Variants in NANS observed in about 807,000 individuals in gnomAD.
The protein encoded by NANS is N-acetylneuraminate synthase, also known as N-acetylneuraminate-9-phosphate synthase.
NANS carries 29 observed loss-of-function variants against 33.3 expected under a neutral mutation model. The ratio of observed to expected loss-of-function variants is 0.87; its 90% CI spans 0.65 to 1.19. The LOEUF (loss-of-function observed/expected upper bound fraction) is 1.19, where lower values mean the gene tolerates loss of function less well. Ranked by LOEUF, NANS falls within the 50% of genes most tolerant of loss-of-function variation. The pLI is 0.00. For missense variants in NANS, 394 were observed against 461.1 expected (o/e 0.85, Z 1.33); for synonymous variants, 163 against 177.2 (o/e 0.92, Z 0.64).
intron 4 of NANS, among the ~76,000 whole-genome samples, chr9:98,079,482 T>C (rs1829752459): frequency 6.6e-6 from 1 of 152,132 alleles, no homozygotes; most frequent in Non-Finnish European, 1.5e-5. Context: ...CTTAAAAAGT[T>C]AGCCTTTTTG....
rs150061483 is a variant in NANS at position 98,058,204 on chromosome 9, A to G, written c.132+1264A>G. 6.3e-4 allele frequency among the ~76,000 whole-genome samples: 96 copies of G among 152,242 alleles called. 1 individual carries two copies. In the East Asian group the frequency reaches 0.011, roughly 18 times the overall value. On this transcript the variant is annotated intron_variant, in intron 1 of 5. Transcript: ENST00000210444. Reference sequence around the variant, plus strand: ...AGTGCTGGGATTACAGGTGTGAGCCACCACCCTCGGCCCTTGCTGTTCCTT... The same window carrying G: ...AGTGCTGGGATTACAGGTGTGAGCCGCCACCCTCGGCCCTTGCTGTTCCTT...
chr9:98,057,528 C>T (rs1390866946), intron 1 of NANS, among the ~76,000 whole-genome samples: 1 of 152,192 alleles, frequency 6.6e-6, no homozygotes, highest in Non-Finnish European at 1.5e-5. Context: ...TCCGTGAACC[C>T]TTTTCCCCAT....
At chr9:98,075,740 GTATGTT>G (rs1465514270) in intron 2 of NANS, 5 of 152,140 alleles carry the variant, frequency 3.3e-5, no homozygotes, top group Admixed American at 3.3e-4. Context: ...AAGGTGATGT[GTATGTT>G]TATTACTCTT....
In NANS at chr9:98,078,205, T is replaced by C; in HGVS notation, c.461T>C (p.Val154Ala). 1 of 1,614,214 alleles carries C rather than the reference T, an allele frequency of 6.2e-7. No individual in the cohort carries two copies. Among genetic ancestry groups the C allele is most frequent in the Non-Finnish European group, 8.5e-7 (1 of 1,180,036 alleles). Reference protein sequence around the residue: ...EKTAKKGRPMVISSGMQSMDT... With the variant: ...EKTAKKGRPMAISSGMQSMDT... Reference sequence around the variant, plus strand: ...CTGGATTACTCAGGTCGCCCAATGGTGATCTCCAGTGGGATGCAGTCAATG... The same window carrying C: ...CTGGATTACTCAGGTCGCCCAATGGCGATCTCCAGTGGGATGCAGTCAATG... Residue 154 changes from valine (V) to alanine (A), a missense_variant, in exon 4 of 6, where the codon GTG (valine) becomes GCG (alanine). Val to Ala is a moderately conservative substitution (Grantham distance 64, BLOSUM62 0). Transcript: ENST00000210444.
At chr9:98,059,560 G>A (rs752039770) in intron 1 of NANS, among the ~76,000 whole-genome samples, 3 of 152,044 alleles carry the variant, frequency 2.0e-5, no homozygotes, top group Non-Finnish European at 4.4e-5. Flanking sequence ...GACTACAAGC[G>A]TATGCCACCA....
At chr9:98,076,776 T>C (rs1401390400) in intron 2 of NANS, 142 bp from the exon 3 acceptor site, 1 of 649,032 alleles carries the variant, frequency 1.5e-6, no homozygotes, top group East Asian at 2.9e-5. Context: ...TGAGAACAAA[T>C]CTTTGCCTGC....
rs369948500 is a variant in NANS, at chr9:98,061,641, G to A, written c.348+644G>A. Among the ~76,000 whole-genome samples, 53 of 146,072 alleles carry A rather than the reference G, an allele frequency of 3.6e-4. No homozygotes were observed. In the South Asian group the frequency reaches 6.1e-3, roughly 17 times the overall value. On this transcript the variant is annotated intron_variant, in intron 2 of 5. Coordinates refer to ENST00000210444, the MANE Select transcript of NANS (RefSeq NM_018946.4). ...CTAAAATACAAAAAATTAGCTGGGC[G>A]TGGTGGCATGCGTCTGTAGTCCCAG...
chr9:98,081,258 T>A, intron 5 of NANS, 176 bp downstream of exon 5: 1 of 799,638 alleles, frequency 1.3e-6, no homozygotes, highest in East Asian at 2.7e-5. Context: ...CATGTCACTC[T>A]GGCCTGTAGC....
chr9:98,068,736 C>T (rs532528418), intron 2 of NANS, among the ~76,000 whole-genome samples: 1 of 151,526 alleles, frequency 6.6e-6, no homozygotes, highest in South Asian at 2.1e-4. Context: ...CGGGAGGCTT[C>T]CTTGAACCCA....
intron 2 of NANS, among the ~76,000 whole-genome samples, chr9:98,072,100 C>T (rs1385868298): frequency 6.6e-6 from 1 of 152,162 alleles, no homozygotes; most frequent in Non-Finnish European, 1.5e-5. Context: ...CTGAGCTCAG[C>T]TCCTGGTGCT....
intron 2 of NANS, among the ~76,000 whole-genome samples, chr9:98,068,684 G>T (rs952412903): frequency 6.6e-6 from 1 of 151,490 alleles, no homozygotes; most frequent in South Asian, 2.1e-4. Context: ...ATTGTGGTGT[G>T]TGCCTGTAGC....
Position 98,060,939 on chromosome 9 carries a change from A to G in NANS, c.290A>G (p.Glu97Gly). The G allele has an allele frequency of 6.2e-7, 1 of 1,614,204 alleles. No individual in the cohort carries two copies. Among genetic ancestry groups the G allele is most frequent in the Non-Finnish European group, 8.5e-7 (1 of 1,180,036 alleles). ...GAGTTCAGCCATGACCAGTACAGGG[A>G]GCTGCAGAGGTACGCCGAGGAGGTT... ...HLEFSHDQYR[E>G]LQRYAEEVGI... The change falls in exon 2 of 6, where the codon GAG (glutamate) becomes GGG (glycine). Residue 97 changes from glutamate (E) to glycine (G), a missense_variant. Transcript: ENST00000210444.
At chr9:98,076,888 G>C in intron 2 of NANS, 30 bp from the exon 3 acceptor site, 1 of 1,564,442 alleles carries the variant, frequency 6.4e-7, no homozygotes, top group Non-Finnish European at 8.8e-7. Context: ...GGACAATGGT[G>C]AAAAGGAGCT....
intron 2 of NANS, among the ~76,000 whole-genome samples, chr9:98,065,604 G>A (rs780416364): frequency 3.3e-4 from 48 of 146,604 alleles, no homozygotes; most frequent in Non-Finnish European, 5.9e-4. Flanking sequence ...CTCCCAAAGT[G>A]TTAGGATTAC....
At chr9:98,079,406 G>A (rs2117993348) in intron 4 of NANS, among the ~76,000 whole-genome samples, 1 of 152,076 alleles carries the variant, frequency 6.6e-6, no homozygotes, top group South Asian at 2.1e-4. Flanking sequence ...TTTCCTTTCA[G>A]TATAGTATTT....
intron 4 of NANS, among the ~76,000 whole-genome samples, chr9:98,080,108 G>A (rs925633793): frequency 5.3e-5 from 8 of 152,360 alleles, no homozygotes; most frequent in Middle Eastern, 3.4e-3. Context: ...CAGCTGCTCA[G>A]GAGGCTGAGG....
intron 2 of NANS, among the ~76,000 whole-genome samples, chr9:98,073,914 G>A (rs771959904): frequency 6.6e-5 from 10 of 152,076 alleles, no homozygotes; most frequent in Non-Finnish European, 1.3e-4. Context: ...AGCCTCCTGA[G>A]TAGCTGGGAC....
chr9:98,062,953 T>C, intron 2 of NANS, among the ~76,000 whole-genome samples: 1 of 152,194 alleles, frequency 6.6e-6, no homozygotes, highest in East Asian at 1.9e-4. Context: ...TTTTATTTTT[T>C]TGAGATGGAG....
At position 98,076,557 on chromosome 9, in the gene NANS, T is replaced by G. The variant is rs187107444; in HGVS notation, c.349-361T>G. The G allele has an allele frequency of 3.3e-3, 681 of 205,622 alleles. 2 individuals are homozygous for G. Among genetic ancestry groups the G allele is most frequent in the African/African-American group, 0.015 (635 of 41,968 alleles). 12.7% of individuals were successfully genotyped at this position (205,622 alleles called of 1,614,324 possible). ...ACCCGGCTAATTTTTATATTTTTAGTAGAGACGGGGTTTCACCATGTTGGT... is the reference window on the plus strand; with the variant it reads ...ACCCGGCTAATTTTTATATTTTTAGGAGAGACGGGGTTTCACCATGTTGGT... On this transcript the variant is annotated intron_variant, in intron 2 of 5. Coordinates refer to ENST00000210444, the MANE Select transcript of NANS (RefSeq NM_018946.4).
Sources: gnomAD v4.1 joint callset for allele counts (sites outside exome capture counted in the v4.1 genomes callset) on GRCh38, gnomAD v4.1.1 for gene constraint, MANE v1.5 for transcripts, NCBI Gene and HGNC (gene_info 2026-07-23, HGNC 2026-07-21) for gene names.